The following RIPK2 variants were observed in gnomAD, a reference collection of about 807,000 sequenced individuals.
RIPK2 encodes receptor-interacting serine/threonine-protein kinase 2.
RIPK2 carries 38 observed loss-of-function variants against 60.9 expected under a neutral mutation model. The ratio of observed to expected loss-of-function variants is 0.62; its 90% CI spans 0.48 to 0.82. The LOEUF (loss-of-function observed/expected upper bound fraction) is 0.82, where lower values mean the gene tolerates loss of function less well. RIPK2 is among the 40% of genes least tolerant of loss of function. RIPK2 has a pLI of 0.00. For synonymous variants in RIPK2, 225 were observed against 223.4 expected (o/e 1.01, Z -0.06); for missense variants, 518 against 647.0 (o/e 0.80, Z 2.16).
chr8:89,776,385 G>T (rs184337953), intron 6 of RIPK2, among the ~76,000 whole-genome samples: 1 of 152,252 alleles, frequency 6.6e-6, no homozygotes. Context: ...AAATTATTGA[G>T]GACTTCAAAG....
At chr8:89,772,895 A>G (rs1809338240) in intron 6 of RIPK2, 67 bp downstream of exon 6, 2 of 1,130,842 alleles carry the variant, frequency 1.8e-6, no homozygotes, top group Non-Finnish European at 1.2e-6. Context: ...TGAATAAAAT[A>G]TTCCTTGAAA....
rs753253032 is a variant in RIPK2, at chr8:89,784,140, G to GAAA, written c.1029+1_1029+2insAAA. 6.3e-6 allele frequency: 3 copies of GAAA among 476,332 alleles called. No individual in the cohort carries two copies. Among genetic ancestry groups the GAAA allele is most frequent in the African/African-American group, 1.0e-4 (2 of 19,648 alleles). 29.5% of individuals were successfully genotyped at this position (476,332 alleles called of 1,614,324 possible). A position where few individuals can be genotyped will look rare whatever the true frequency, so the allele number is the denominator to read the frequency against. The stretch of plus-strand genomic sequence containing the variant: ...ACCTGTAAATCATGGTCCACAAGAG[G>GAAA]TAAAAAAAAAAAAAAAAAAAAAAAG... On this transcript the variant is annotated splice_donor_variant, in intron 8 of 10. Coordinates refer to ENST00000220751, the MANE Select transcript of RIPK2 (RefSeq NM_003821.6). LOFTEE classifies it high-confidence loss of function.
In RIPK2 at chr8:89,780,148, A is replaced by G. The variant is rs747489485; in HGVS notation, c.927A>G (p.Leu309=). 5 of 1,533,700 alleles carry G rather than the reference A, an allele frequency of 3.3e-6. No homozygotes were observed. The highest frequency in any genetic ancestry group is 4.5e-5 in the East Asian group (2 of 44,152). ...EITFLEAVIQ[L]KKTKLQSVSS... ...CTTTTCTTGAAGCTGTTATTCAGCTAAAGAAAACAAAGGTAAGTTGCTAAA... is the reference window on the plus strand; with the variant it reads ...CTTTTCTTGAAGCTGTTATTCAGCTGAAGAAAACAAAGGTAAGTTGCTAAA... The change falls in exon 7 of 11, where the codon CTA becomes CTG. Residue 309 remains leucine (L), a synonymous_variant. Transcript: ENST00000220751.
At chr8:89,781,890 A>G (rs1016156653) in intron 7 of RIPK2, among the ~76,000 whole-genome samples, 2 of 152,262 alleles carry the variant, frequency 1.3e-5, no homozygotes, top group African/African-American at 4.8e-5. Flanking sequence ...ATATTCTGGC[A>G]TCACTATTCT....
intron 6 of RIPK2, among the ~76,000 whole-genome samples, chr8:89,775,637 T>G (rs1260398630): frequency 6.6e-6 from 1 of 152,156 alleles, no homozygotes; most frequent in Admixed American, 6.5e-5. Context: ...GTGATACTGT[T>G]TACATTTGTA....
At chr8:89,773,654 G>A (rs1325639013) in intron 6 of RIPK2, among the ~76,000 whole-genome samples, 1 of 152,136 alleles carries the variant, frequency 6.6e-6, no homozygotes, top group Admixed American at 6.6e-5. Context: ...AAAGACAAAA[G>A]TGGAAGCAAA....
At chr8:89,761,139 C>A (rs1809137952) in intron 1 of RIPK2, among the ~76,000 whole-genome samples, 1 of 152,056 alleles carries the variant, frequency 6.6e-6, no homozygotes, top group East Asian at 1.9e-4. Flanking sequence ...GACGAAGATT[C>A]TTTTGCTTTG....
At chr8:89,774,190 AC>A (rs1391039454) in intron 6 of RIPK2, among the ~76,000 whole-genome samples, 1 of 152,140 alleles carries the variant, frequency 6.6e-6, no homozygotes, top group Admixed American at 6.6e-5. Context: ...TATATAAAAA[AC>A]CCTGACAAGT....
At chr8:89,763,586 G>T (rs893916047) in intron 2 of RIPK2, among the ~76,000 whole-genome samples, 1 of 152,076 alleles carries the variant, frequency 6.6e-6, no homozygotes, top group Non-Finnish European at 1.5e-5. Context: ...TGAGTCTGTA[G>T]TTTCAGTAGA....
chr8:89,762,860 A>T lies in RIPK2; in HGVS notation c.205A>T (p.Ile69Phe). ...AAAGGATGTCTTAAGAGAAGCTGAA[A>T]TTTTACACAAAGCTAGATTTAGTTA... ...ERKDVLREAE[I>F]LHKARFSYIL... Residue 69 changes from isoleucine to phenylalanine, a missense_variant, in exon 2 of 11, where the codon ATT (isoleucine) becomes TTT (phenylalanine). By Grantham distance (21) the Ile-to-Phe change is conservative (BLOSUM62 0). This residue lies in a region of RIPK2 where 448 missense variants were observed against 534.7 expected (regional missense o/e 0.84). Transcript: ENST00000220751. The T allele has an allele frequency of 1.3e-6, 2 of 1,496,372 alleles. No individual in the cohort carries two copies. Among genetic ancestry groups the T allele is most frequent in the Non-Finnish European group, 1.8e-6 (2 of 1,111,232 alleles). 92.7% of individuals were successfully genotyped at this position (1,496,372 alleles called of 1,614,324 possible).
intron 7 of RIPK2, among the ~76,000 whole-genome samples, chr8:89,783,346 C>G (rs558480687): frequency 3.7e-4 from 56 of 152,342 alleles, no homozygotes; most frequent in African/African-American, 1.3e-3. Context: ...ATCATCTACT[C>G]AGCAGCTACC....
chr8:89,787,293 C>T (rs113751166), intron 9 of RIPK2, among the ~76,000 whole-genome samples: 1 of 152,262 alleles, frequency 6.6e-6, no homozygotes. Context: ...ATAAGAGAGA[C>T]GTGGATCTAG....
chr8:89,779,311 T>TTTG (rs1491133267), intron 6 of RIPK2, among the ~76,000 whole-genome samples: 15 of 3,740 alleles, frequency 4.0e-3, no homozygotes, highest in African/African-American at 0.026. Flanking sequence ...GGTTTTTGGG[T>TTTG]TTTTTTTTTT....
chr8:89,784,428 G>A (rs1809552463), intron 8 of RIPK2, among the ~76,000 whole-genome samples: 1 of 152,020 alleles, frequency 6.6e-6, no homozygotes, highest in African/African-American at 2.4e-5. Flanking sequence ...GTATTATGTA[G>A]GCAAATCATT....
Position 89,758,085 on chromosome 8 carries a change from G to C in RIPK2, c.25G>C (p.Ala9Pro), listed in dbSNP as rs913453732. The change falls in exon 1 of 11, where the codon GCC (alanine) becomes CCC (proline). Residue 9 changes from alanine (A) to proline (P), a missense_variant. Coordinates refer to ENST00000220751, the MANE Select transcript of RIPK2 (RefSeq NM_003821.6). ...CATGAACGGGGAGGCCATCTGCAGC[G>C]CCCTGCCCACCATTCCCTACCACAA... Reference protein sequence around the residue: MNGEAICSALPTIPYHKLA... With the variant: MNGEAICSPLPTIPYHKLA... The C allele has an allele frequency of 6.2e-7, 1 of 1,605,400 alleles. No individual in the cohort carries two copies. The highest frequency in any genetic ancestry group is 1.3e-5 in the African/African-American group (1 of 74,726).
Position 89,790,230 on chromosome 8 carries a change from C to G in RIPK2, c.1437C>G (p.Thr479=), listed in dbSNP as rs774465634. ...IMKEDYELVS[T]KPTRTSKVRQ... ...AAGAGGACTATGAACTTGTTAGTAC[C>G]AAGCCTACAAGGACCTCAAAAGTCA... Residue 479 remains threonine, a synonymous_variant, in exon 11 of 11, where the codon ACC becomes ACG. Transcript: ENST00000220751. 5 of 1,613,906 alleles carry G rather than the reference C, an allele frequency of 3.1e-6. No homozygotes were observed. The African/African-American group carries it at 6.7e-5, about 22-fold the overall frequency.
At chr8:89,765,265 T>C (rs1412600136) in intron 2 of RIPK2, 76 bp from the exon 3 acceptor site, 1 of 1,002,910 alleles carries the variant, frequency 1.0e-6, no homozygotes, top group South Asian at 1.6e-5. Flanking sequence ...CCTCATGGAA[T>C]ATTTAACTTT....
At chr8:89,759,467 A>G in intron 1 of RIPK2, 1 of 448,818 alleles carries the variant, frequency 2.2e-6, no homozygotes, top group East Asian at 7.0e-5. Flanking sequence ...AGCATCAGAT[A>G]AATTCCTCAG....
chr8:89,784,804 A>T (rs1809558496), intron 8 of RIPK2, among the ~76,000 whole-genome samples: 1 of 152,192 alleles, frequency 6.6e-6, no homozygotes, highest in Non-Finnish European at 1.5e-5. Flanking sequence ...TTTGGCTCAC[A>T]ATTCTGGTAG....
Sources: allele counts gnomAD v4.1 joint callset (sites outside exome capture counted in the v4.1 genomes callset), GRCh38; gene constraint gnomAD v4.1.1; regional missense constraint gnomAD v4.1.1; transcripts MANE v1.5; gene names NCBI Gene and HGNC (gene_info 2026-07-23, HGNC 2026-07-21).